PTPN14: variants seen among roughly 807,000 people sequenced by gnomAD.
PTPN14 encodes tyrosine-protein phosphatase non-receptor type 14.
PTPN14 carries 53 observed loss-of-function variants against 126.8 expected under a neutral mutation model. The ratio of observed to expected loss-of-function variants is 0.42; its 90% CI spans 0.34 to 0.53. The LOEUF is 0.53. PTPN14 is among the 20% of genes least tolerant of loss of function. The pLI is 0.08. For missense variants in PTPN14, 1,257 were observed against 1,552.9 expected, an observed-to-expected ratio of 0.81 and a Z score of 3.20; for synonymous variants, 630 against 599.3, an observed-to-expected ratio of 1.05 and a Z score of -0.75.
At chr1:214,420,191 C>A (rs1470325408) in intron 3 of PTPN14, among the ~76,000 whole-genome samples, 1 of 152,220 alleles carries the variant, frequency 6.6e-6, no homozygotes, top group Admixed American at 6.5e-5. Context: ...GGAAAAGCTA[C>A]AACTAAAACT....
chr1:214,383,855 C>T lies in PTPN14; in HGVS notation c.2000G>A (p.Arg667His), dbSNP rs754960996. Residue 667 changes from arginine (R) to histidine (H), a missense_variant, in exon 13 of 19, where the codon CGC (arginine) becomes CAC (histidine). Transcript: ENST00000366956. The surrounding 1 kb of genome is among the most constrained non-coding windows in gnomAD (Gnocchi z 4.4). ...TCCCTGCTCCCGGAGCGTGTTGCGG[C>T]GAGCCATGGGGAGGTGGAGCGACTT... ...TLKSLHLPMARRNTLREQGPP... is the reference protein window; with the variant it reads ...TLKSLHLPMAHRNTLREQGPP... The T allele has an allele frequency of 1.9e-5, 31 of 1,612,500 alleles. No homozygotes were observed. Among genetic ancestry groups the T allele is most frequent in the South Asian group, 4.4e-5 (4 of 91,064 alleles).
Position 214,533,639 on chromosome 1 carries a change from G to A in PTPN14, c.-155+17544C>T, listed in dbSNP as rs547003458. On this transcript the variant is annotated intron_variant, in intron 1 of 18. Coordinates refer to ENST00000366956, the MANE Select transcript of PTPN14 (RefSeq NM_005401.5). ...GAGGTCAGGAAATCAAGACCATCCT[G>A]GCTAACACGGTGAAACCCCATCTCT... is the stretch of plus-strand genomic sequence containing the variant. Among the ~76,000 whole-genome samples the A allele has an allele frequency of 2.0e-5, 3 of 152,060 alleles. No homozygotes were observed. The South Asian group carries it at 6.2e-4, about 32-fold the overall frequency.
At chr1:214,359,236 C>T (rs149250004) in intron 18 of PTPN14, among the ~76,000 whole-genome samples, 3,523 of 146,324 alleles carry the variant, frequency 0.024, 62 homozygotes, top group Non-Finnish European at 0.038. Flanking sequence ...TTTTTTGAGA[C>T]GGAGTCTCAC....
rs763212590 is a variant in PTPN14 at position 214,351,766 on chromosome 1, A to ACTG, written c.*6153_*6155dup. On this transcript the variant is annotated 3_prime_UTR_variant, in exon 19 of 19. Coordinates refer to ENST00000366956, the MANE Select transcript of PTPN14 (RefSeq NM_005401.5). ...GAGCTAGGGTGAAATAGACTCCAAC[A>ACTG]CTGCTGCAGGCTTTCCCTAGCATGC... is the stretch of plus-strand genomic sequence containing the variant. The ACTG allele has an allele frequency of 6.6e-5, 10 of 152,166 alleles. No individual in the cohort carries two copies. Among genetic ancestry groups the ACTG allele is most frequent in the African/African-American group, 9.7e-5 (4 of 41,438 alleles). The allele number at this position is 152,166 out of a possible 1,614,324, so 9.4% of individuals were successfully genotyped here. A position where few individuals can be genotyped will look rare whatever the true frequency, so the allele number is the denominator to read the frequency against.
At chr1:214,460,467 C>T (rs905951560) in intron 2 of PTPN14, among the ~76,000 whole-genome samples, 6 of 147,128 alleles carry the variant, frequency 4.1e-5, no homozygotes, top group African/African-American at 1.5e-4. Flanking sequence ...CTGAAAATTC[C>T]CCTCCACACA....
At chr1:214,494,304 C>T (rs1000947732) in intron 1 of PTPN14, among the ~76,000 whole-genome samples, 6 of 152,180 alleles carry the variant, frequency 3.9e-5, no homozygotes, top group Non-Finnish European at 7.4e-5. Flanking sequence ...CCTTGTGATC[C>T]GCCCGCCTTG....
At chr1:214,534,441 C>T (rs1230113427) in intron 1 of PTPN14, among the ~76,000 whole-genome samples, 2 of 152,064 alleles carry the variant, frequency 1.3e-5, no homozygotes, top group Non-Finnish European at 2.9e-5. Context: ...TGGCCGGGCG[C>T]GGTGGCTCAA....
chr1:214,519,380 C>T (rs1241702384), intron 1 of PTPN14, among the ~76,000 whole-genome samples: 1 of 152,074 alleles, frequency 6.6e-6, no homozygotes. Flanking sequence ...GAGTCTGTTC[C>T]CCCACCCCCA....
At chr1:214,363,592 T>G (rs571725377) in intron 18 of PTPN14, among the ~76,000 whole-genome samples, 1 of 152,296 alleles carries the variant, frequency 6.6e-6, no homozygotes, top group African/African-American at 2.4e-5. Flanking sequence ...GAAATAACTC[T>G]GGACCCAGAC....
intron 2 of PTPN14, among the ~76,000 whole-genome samples, chr1:214,458,248 C>G (rs1434597829): frequency 6.6e-6 from 1 of 152,122 alleles, no homozygotes; most frequent in Non-Finnish European, 1.5e-5. Flanking sequence ...ATGGATCTCA[C>G]TATGTTCTCA....
chr1:214,427,103 A>T (rs531955913), intron 3 of PTPN14, among the ~76,000 whole-genome samples: 63 of 152,088 alleles, frequency 4.1e-4, no homozygotes, highest in African/African-American at 1.4e-3. Flanking sequence ...ACCTGGTAAA[A>T]CCCCATCTCT....
At chr1:214,486,100 T>G (rs1361521284) in intron 1 of PTPN14, among the ~76,000 whole-genome samples, 1 of 152,138 alleles carries the variant, frequency 6.6e-6, no homozygotes. Flanking sequence ...TGATCAGAAT[T>G]ACTCTGCAGG....
chr1:214,529,841 A>C (rs1489358450), intron 1 of PTPN14: 1 of 152,340 alleles, frequency 6.6e-6, no homozygotes, highest in African/African-American at 2.4e-5. Context: ...CCGAAGTGGC[A>C]CCACTGCACT....
chr1:214,444,064 T>C (rs372106091), intron 3 of PTPN14, among the ~76,000 whole-genome samples: 37 of 152,272 alleles, frequency 2.4e-4, no homozygotes, highest in Non-Finnish European at 5.0e-4. Context: ...TAACACAGAA[T>C]AGGTACTTAA....
At chr1:214,503,736 TAATGTCAGC>T (rs930056809) in intron 1 of PTPN14, among the ~76,000 whole-genome samples, 40 of 152,398 alleles carry the variant, frequency 2.6e-4, no homozygotes, top group African/African-American at 9.1e-4. Context: ...GAACACACAC[TAATGTCAGC>T]AATGTTGTGA....
intron 1 of PTPN14, chr1:214,532,922 T>C (rs1029828384): frequency 9.3e-6 from 8 of 862,066 alleles, no homozygotes; most frequent in Non-Finnish European, 1.4e-5. Context: ...GCCACGATCA[T>C]GGCAGACATC....
At chr1:214,403,090 T>A in intron 5 of PTPN14, 137 bp from the exon 6 acceptor site, 1 of 770,142 alleles carries the variant, frequency 1.3e-6, no homozygotes, top group Non-Finnish European at 2.1e-6. Context: ...GCTGTAGAAT[T>A]AAAGGTTGTA....
chr1:214,497,732 T>G (rs1558130153), intron 1 of PTPN14, among the ~76,000 whole-genome samples: 1 of 152,214 alleles, frequency 6.6e-6, no homozygotes, highest in Non-Finnish European at 1.5e-5. Context: ...ATGCATAGTA[T>G]AATTTTGTTT....
At chr1:214,502,218 G>A (rs111836763) in intron 1 of PTPN14, among the ~76,000 whole-genome samples, 4,587 of 152,162 alleles carry the variant, frequency 0.03, 119 homozygotes, top group African/African-American at 0.07. Flanking sequence ...TGCTTCTAAG[G>A]GGGGAAGAGG....
Sources: gnomAD v4.1 joint callset for allele counts (sites outside exome capture counted in the v4.1 genomes callset) on GRCh38, gnomAD v4.1.1 for gene constraint, Gnocchi (gnomAD v3.1) non-coding constraint, MANE v1.5 for transcripts, NCBI Gene and HGNC (gene_info 2026-07-23, HGNC 2026-07-21) for gene names.